Variants in HDAC9 observed in about 807,000 individuals in gnomAD.
HDAC9 encodes the protein MEF-2 interacting transcription repressor (MITR) protein.
A neutral mutation model predicts 139.4 loss-of-function variants in HDAC9; 41 were observed. The observed-to-expected ratio is 0.29, with a 90% CI of 0.23 to 0.38. The LOEUF is 0.38. Among genes scored for constraint, HDAC9 ranks in the 10% least tolerant of loss-of-function variants. The probability of loss-of-function intolerance (pLI) is 1.00; values close to 1 mark genes in which losing one functional copy is unlikely to be tolerated. For synonymous variants in HDAC9, 517 were observed against 476.2 expected, an observed-to-expected ratio of 1.09 and a Z score of -1.12; for missense variants, 1,147 against 1,297.0, an observed-to-expected ratio of 0.88 and a Z score of 1.78.
chr7:18,884,091 A>T (rs1799941969), intron 22 of HDAC9, among the ~76,000 whole-genome samples: 1 of 152,202 alleles, frequency 6.6e-6, no homozygotes, highest in Non-Finnish European at 1.5e-5. Context: ...CTAAATTGGA[A>T]GAATGAACAT....
At chr7:18,242,307 A>G (rs949000799) in intron 2 of HDAC9, among the ~76,000 whole-genome samples, 5 of 152,332 alleles carry the variant, frequency 3.3e-5, no homozygotes, top group African/African-American at 7.2e-5. Flanking sequence ...TTTTCTTTTC[A>G]TTAATCCTTG....
chr7:18,176,308 T>C (rs187807745), intron 2 of HDAC9, among the ~76,000 whole-genome samples: 3 of 152,288 alleles, frequency 2.0e-5, no homozygotes, highest in Admixed American at 2.0e-4. Context: ...GCCGTACAAA[T>C]GGGAAAAGCC....
intron 12 of HDAC9, among the ~76,000 whole-genome samples, chr7:18,713,305 T>G (rs1239086775): frequency 6.6e-6 from 1 of 152,196 alleles, no homozygotes; most frequent in Non-Finnish European, 1.5e-5. Context: ...GATAATAGTT[T>G]GGTGATGAGC....
At chr7:18,697,504 T>C (rs1461539570) in intron 12 of HDAC9, among the ~76,000 whole-genome samples, 1 of 152,182 alleles carries the variant, frequency 6.6e-6, no homozygotes, top group Non-Finnish European at 1.5e-5. Context: ...TGCTGAAAAT[T>C]ATCTTGCTGT....
At chr7:18,640,385 A>C (rs796544152) in intron 8 of HDAC9, among the ~76,000 whole-genome samples, 7 of 127,144 alleles carry the variant, frequency 5.5e-5, no homozygotes, top group African/African-American at 2.0e-4. Flanking sequence ...AAAAAAAAAA[A>C]AGGAAAAGTA....
At chr7:18,832,711 A>G (rs1467539918) in intron 19 of HDAC9, among the ~76,000 whole-genome samples, 1 of 148,508 alleles carries the variant, frequency 6.7e-6, no homozygotes, top group Non-Finnish European at 1.5e-5. Context: ...TACAGCAAGG[A>G]AAACAAACAA....
At chr7:18,476,427 A>T (rs960225107) in intron 1 of HDAC9, among the ~76,000 whole-genome samples, 4 of 151,968 alleles carry the variant, frequency 2.6e-5, no homozygotes, top group Non-Finnish European at 5.9e-5. Context: ...ATTGACTCAA[A>T]CCCATACTTA....
At chr7:18,489,571 A>G (rs147044797) in intron 1 of HDAC9, among the ~76,000 whole-genome samples, 165 of 152,148 alleles carry the variant, frequency 1.1e-3, no homozygotes, top group African/African-American at 3.8e-3. Flanking sequence ...ATCAAACTGT[A>G]TAGTAATCAC....
intron 16 of HDAC9, among the ~76,000 whole-genome samples, chr7:18,789,949 T>C (rs1792156312): frequency 1.3e-5 from 2 of 152,140 alleles, no homozygotes; most frequent in Non-Finnish European, 2.9e-5. Flanking sequence ...GTTGGAGAGA[T>C]TGACAACCAA....
At position 18,795,381 on chromosome 7, in the gene HDAC9, A is replaced by C. The variant is rs1040034995; in HGVS notation, c.2322+1929A>C. 1.1e-4 allele frequency among the ~76,000 whole-genome samples: 17 copies of C among 151,672 alleles called. No homozygotes were observed. In the South Asian group the frequency reaches 1.2e-3, roughly 11 times the overall value. ...AAATCTGTAACTTTTCTGGGGCTCAATTTCTGGTTCTGCACAATCATCTAG... is the reference window on the plus strand; with the variant it reads ...AAATCTGTAACTTTTCTGGGGCTCACTTTCTGGTTCTGCACAATCATCTAG... On this transcript the variant is annotated intron_variant, in intron 17 of 25. Coordinates refer to ENST00000686413, the MANE Select transcript of HDAC9 (RefSeq NM_178425.4).
intron 22 of HDAC9, among the ~76,000 whole-genome samples, chr7:18,896,967 A>G (rs539309204): frequency 1.3e-4 from 20 of 152,172 alleles, no homozygotes; most frequent in Non-Finnish European, 2.4e-4. Flanking sequence ...ATGAACACAG[A>G]AAAATAAGGT....
chr7:18,148,129 A>C (rs542001420), intron 1 of HDAC9, among the ~76,000 whole-genome samples: 1 of 152,242 alleles, frequency 6.6e-6, no homozygotes, highest in South Asian at 2.1e-4. Context: ...CTAGTTTCCT[A>C]TTGCTACTGA....
intron 3 of HDAC9, among the ~76,000 whole-genome samples, chr7:18,587,510 ATTTTAT>A (rs1373983008): frequency 2.6e-5 from 4 of 152,012 alleles, no homozygotes; most frequent in African/African-American, 9.7e-5. Flanking sequence ...TTTCATTAAG[ATTTTAT>A]TTTTATGAGA....
At chr7:18,907,832 C>T (rs1198691144) in intron 22 of HDAC9, among the ~76,000 whole-genome samples, 1 of 152,110 alleles carries the variant, frequency 6.6e-6, no homozygotes, top group Non-Finnish European at 1.5e-5. Flanking sequence ...TAGCATTATC[C>T]ATATGCAGAA....
chr7:18,970,752 T>G (rs1336459260), intron 24 of HDAC9, among the ~76,000 whole-genome samples: 1 of 152,144 alleles, frequency 6.6e-6, no homozygotes, highest in Non-Finnish European at 1.5e-5. Context: ...CAGCTTATTT[T>G]CCTATGAGAA....
intron 14 of HDAC9, among the ~76,000 whole-genome samples, chr7:18,750,000 C>A (rs908168997): frequency 3.9e-5 from 6 of 152,124 alleles, no homozygotes; most frequent in Admixed American, 1.3e-4. Flanking sequence ...TTTCACAAGA[C>A]AAATATGGTC....
At chr7:18,443,769 CATT>C (rs1447890445) in intron 1 of HDAC9, among the ~76,000 whole-genome samples, 2 of 151,554 alleles carry the variant, frequency 1.3e-5, no homozygotes, top group African/African-American at 4.9e-5. Flanking sequence ...CACACACAAA[CATT>C]ATGTTCTTTC....
chr7:18,362,608 T>C (rs1244618806), intron 1 of HDAC9, among the ~76,000 whole-genome samples: 1 of 152,162 alleles, frequency 6.6e-6, no homozygotes, highest in African/African-American at 2.4e-5. Context: ...AAATTGACCC[T>C]GGATTGATGA....
chr7:18,314,266 C>G (rs1799498418), intron 1 of HDAC9, among the ~76,000 whole-genome samples: 1 of 152,124 alleles, frequency 6.6e-6, no homozygotes, highest in Non-Finnish European at 1.5e-5. Context: ...AGATCATAGC[C>G]CAGCCAAAGG....
Sources: gnomAD v4.1 joint callset for allele counts (sites outside exome capture counted in the v4.1 genomes callset) on GRCh38, gnomAD v4.1.1 for gene constraint, MANE v1.5 for transcripts, NCBI Gene and HGNC (gene_info 2026-07-23, HGNC 2026-07-21) for gene names.